The following DNAAF4 variants were observed in gnomAD, a reference collection of about 807,000 sequenced individuals.
The protein encoded by DNAAF4 is dynein assembly factor 4, axonemal.
In DNAAF4, 43 loss-of-function variants were observed where a neutral mutation model predicts 51.8. The observed-to-expected ratio is 0.83, with a 90% CI of 0.65 to 1.07. The LOEUF is 1.07. Among genes scored for constraint, DNAAF4 ranks in the 50% least tolerant of loss-of-function variants. The pLI is 0.00. For missense variants in DNAAF4, 581 were observed against 493.0 expected (o/e 1.18, Z -1.69); for synonymous variants, 194 against 165.6 (o/e 1.17, Z -1.32).
At chr15:55,441,282 G>C (rs1276333939) in intron 6 of DNAAF4, among the ~76,000 whole-genome samples, 1 of 150,494 alleles carries the variant, frequency 6.6e-6, no homozygotes, top group African/African-American at 2.4e-5. Context: ...ATATTGGCCA[G>C]GCTGGTCTCG....
chr15:55,450,008 T>A (rs2057908978), intron 6 of DNAAF4, among the ~76,000 whole-genome samples: 1 of 152,008 alleles, frequency 6.6e-6, no homozygotes, highest in Admixed American at 6.6e-5. Flanking sequence ...CTACTGTACA[T>A]ATATTAAGTC....
chr15:55,431,310 T>C (rs1436360140), intron 9 of DNAAF4, among the ~76,000 whole-genome samples: 1 of 151,904 alleles, frequency 6.6e-6, no homozygotes, highest in Non-Finnish European at 1.5e-5. Context: ...ATATAAGCAA[T>C]GTGCATGCAC....
At chr15:55,431,748 G>A (rs2057499226) in intron 9 of DNAAF4, among the ~76,000 whole-genome samples, 1 of 151,948 alleles carries the variant, frequency 6.6e-6, no homozygotes, top group African/African-American at 2.4e-5. Context: ...AAAGTGCTGA[G>A]ATTACAGGCA....
intron 3 of DNAAF4, among the ~76,000 whole-genome samples, chr15:55,493,162 C>T (rs2058596896): frequency 1.3e-5 from 2 of 152,122 alleles, no homozygotes; most frequent in Admixed American, 6.5e-5. Flanking sequence ...AGTGAGCCCT[C>T]ACCGCATACC....
chr15:55,500,366 T>A (rs2414417), intron 1 of DNAAF4, among the ~76,000 whole-genome samples: 33,666 of 151,910 alleles, frequency 0.22, 4,743 homozygotes, highest in African/African-American at 0.4. Context: ...TGGACTTTTT[T>A]AAAAAAATTT....
At chr15:55,447,644 G>A (rs1426216247) in intron 6 of DNAAF4, among the ~76,000 whole-genome samples, 4 of 149,904 alleles carry the variant, frequency 2.7e-5, no homozygotes, top group African/African-American at 4.9e-5. Flanking sequence ...CAGGCATGGC[G>A]GTGCGTGCCT....
chr15:55,423,808 GC>G (rs1425742981), intron 7 of DNAAF4, among the ~76,000 whole-genome samples: 1 of 152,048 alleles, frequency 6.6e-6, no homozygotes, highest in Non-Finnish European at 1.5e-5. Flanking sequence ...ACAAAAATAG[GC>G]CAGGCACAGT....
intron 1 of DNAAF4, among the ~76,000 whole-genome samples, chr15:55,504,435 T>C (rs2058715873): frequency 6.6e-6 from 1 of 152,262 alleles, no homozygotes; most frequent in East Asian, 1.9e-4. Flanking sequence ...AAGGTTCATA[T>C]GGAACCAAAA....
intron 6 of DNAAF4, chr15:55,443,294 C>T: frequency 2.1e-6 from 3 of 1,436,326 alleles, no homozygotes; most frequent in Non-Finnish European, 2.9e-6. Flanking sequence ...AGGCGCCTGC[C>T]TACCGGTGGC....
In DNAAF4 at chr15:55,507,700, C is replaced by T. The variant is rs984752143; in HGVS notation, c.-256+422G>A. Among the ~76,000 whole-genome samples, 11 of 152,168 alleles carry T rather than the reference C, an allele frequency of 7.2e-5. No homozygotes were observed. The East Asian group carries it at 1.4e-3, about 19-fold the overall frequency. On this transcript the variant is annotated intron_variant, in intron 1 of 9. Coordinates refer to ENST00000321149, the MANE Select transcript of DNAAF4 (RefSeq NM_130810.4). ...CATAGTCACACTGTATGAATTAAAA[C>T]GAAGGCCCGGGATGCACATTGTGTC...
chr15:55,467,972 C>T (rs1404446073), intron 4 of DNAAF4, among the ~76,000 whole-genome samples: 6 of 152,146 alleles, frequency 3.9e-5, no homozygotes, highest in African/African-American at 1.4e-4. Context: ...AGAAAAATTT[C>T]TTACCTCTAT....
chr15:55,437,148 C>G (rs555378253), intron 7 of DNAAF4, among the ~76,000 whole-genome samples: 1 of 152,286 alleles, frequency 6.6e-6, no homozygotes, highest in African/African-American at 2.4e-5. Context: ...TGTTATTGTA[C>G]TTCCCACACA....
intron 4 of DNAAF4, among the ~76,000 whole-genome samples, chr15:55,486,776 CAAA>C (rs533402480): frequency 7.7e-6 from 1 of 130,636 alleles, no homozygotes. Flanking sequence ...GACCCTGTCT[CAAA>C]AAAAAAAAAA....
At chr15:55,481,557 T>C (rs1234855116) in intron 4 of DNAAF4, among the ~76,000 whole-genome samples, 1 of 152,196 alleles carries the variant, frequency 6.6e-6, no homozygotes, top group Admixed American at 6.5e-5. Context: ...ATGCCAGCCC[T>C]AGCCTTCAAG....
chr15:55,436,000 C>T (rs1244028555), intron 7 of DNAAF4, among the ~76,000 whole-genome samples: 1 of 152,200 alleles, frequency 6.6e-6, no homozygotes, highest in African/African-American at 2.4e-5. Flanking sequence ...GTTGGTCAGA[C>T]TGGTCTCGAA....
rs76754074 is a variant in DNAAF4, at chr15:55,457,830, C to T, written c.638-7463G>A. Among the ~76,000 whole-genome samples the T allele has an allele frequency of 7.8e-3, 1,191 of 152,336 alleles. 13 individuals carry two copies. The highest frequency in any genetic ancestry group is 0.024 in the African/African-American group (1,000 of 41,588). ...TCACCTGCCACCACCAGAACAGGTG[C>T]TGGTATCCACGGCTGGGAGACCTGT... On this transcript the variant is annotated intron_variant, in intron 5 of 9. Transcript: ENST00000321149.
At chr15:55,450,198 T>C in intron 6 of DNAAF4, 24 bp downstream of exon 6, 1 of 1,561,726 alleles carries the variant, frequency 6.4e-7, no homozygotes, top group Non-Finnish European at 8.6e-7. Context: ...TTGTGGTAAT[T>C]GTAACTAGAG....
At chr15:55,506,862 C>A (rs2058729873) in intron 1 of DNAAF4, among the ~76,000 whole-genome samples, 4 of 151,572 alleles carry the variant, frequency 2.6e-5, no homozygotes, top group Non-Finnish European at 5.9e-5. Context: ...TTTCTTTTTT[C>A]TTTTTTTGAT....
intron 1 of DNAAF4, among the ~76,000 whole-genome samples, chr15:55,504,519 C>G (rs1229667680): frequency 6.6e-6 from 1 of 152,196 alleles, no homozygotes; most frequent in South Asian, 2.1e-4. Flanking sequence ...TGACTTCAAA[C>G]TATACTACAA....
Sources: allele counts gnomAD v4.1 joint callset (sites outside exome capture counted in the v4.1 genomes callset), GRCh38; gene constraint gnomAD v4.1.1; transcripts MANE v1.5; gene names NCBI Gene and HGNC (gene_info 2026-07-23, HGNC 2026-07-21).